The following BCL7C variants were observed in gnomAD, a reference collection of about 807,000 sequenced individuals.
The protein encoded by BCL7C is B-cell CLL/lymphoma 7 protein family member C.
In BCL7C, 8 loss-of-function variants were observed where a neutral mutation model predicts 26.2. That is an observed-to-expected ratio of 0.30 (90% CI 0.18 to 0.55). The LOEUF is 0.55. BCL7C is among the 20% of genes least tolerant of loss of function. The pLI is 0.93. For synonymous variants in BCL7C, 90 were observed against 116.5 expected (o/e 0.77, Z 1.47); for missense variants, 262 against 298.5 (o/e 0.88, Z 0.90).
At chr16:30,861,911 T>G (rs2054777436) in intron 5 of BCL7C, among the ~76,000 whole-genome samples, 1 of 135,716 alleles carries the variant, frequency 7.4e-6, no homozygotes, top group Non-Finnish European at 1.5e-5. Flanking sequence ...TCACCCAGGC[T>G]GGAGTGCAGT....
intron 5 of BCL7C, among the ~76,000 whole-genome samples, chr16:30,869,574 C>T (rs1037248001): frequency 4.7e-5 from 7 of 150,194 alleles, no homozygotes; most frequent in African/African-American, 1.7e-4. Flanking sequence ...TGCAGTGTCA[C>T]GATCAAAGCT....
At chr16:30,874,648 G>A (rs1168657974) in intron 5 of BCL7C, among the ~76,000 whole-genome samples, 2 of 151,964 alleles carry the variant, frequency 1.3e-5, no homozygotes, top group East Asian at 3.9e-4. Context: ...GAGGGCGGGG[G>A]GAAGACTTAA....
intron 5 of BCL7C, among the ~76,000 whole-genome samples, chr16:30,863,000 C>G (rs1277816010): frequency 1.3e-5 from 2 of 152,174 alleles, no homozygotes; most frequent in Non-Finnish European, 2.9e-5. Flanking sequence ...TATACAAGAG[C>G]TGGGACCATG....
intron 5 of BCL7C, among the ~76,000 whole-genome samples, chr16:30,873,806 G>A (rs1431750780): frequency 2.1e-5 from 3 of 143,436 alleles, no homozygotes; most frequent in African/African-American, 2.6e-5. Context: ...AGCCGAGATC[G>A]AGTCCCTGCA....
chr16:30,864,061 G>A (rs573892930), intron 5 of BCL7C, among the ~76,000 whole-genome samples: 12 of 152,132 alleles, frequency 7.9e-5, no homozygotes, highest in South Asian at 6.2e-4. Flanking sequence ...TCTCCTAGCC[G>A]TTTCTAATCC....
intron 5 of BCL7C, among the ~76,000 whole-genome samples, chr16:30,872,471 C>G (rs1169347770): frequency 6.6e-6 from 1 of 152,224 alleles, no homozygotes; most frequent in Non-Finnish European, 1.5e-5. Context: ...CCAGCACGCA[C>G]GTTCACACAC....
rs1445520894 is a variant in BCL7C at position 30,835,060 on chromosome 16, A to G, written c.617T>C (p.Leu206Pro). Residue 206 changes from leucine to proline, a missense_variant, in exon 6 of 6, where the codon CTC becomes CCC. Leu to Pro is a moderately conservative substitution (Grantham distance 98). Transcript: ENST00000380317. ...GGAACTGGGCCGGACATTTGTCCGG[A>G]GGCCCCTCCTGGGCAGGAGCCTCCT... 2.6e-6 allele frequency: 4 copies of G among 1,548,610 alleles called. No individual in the cohort carries two copies. In the East Asian group the frequency reaches 7.3e-5, roughly 28 times the overall value.
At chr16:30,849,955 G>T (rs1390056660) in intron 5 of BCL7C, among the ~76,000 whole-genome samples, 1 of 151,700 alleles carries the variant, frequency 6.6e-6, no homozygotes, top group Non-Finnish European at 1.5e-5. Flanking sequence ...TGGGCGTGGT[G>T]GCTCACACCT....
rs752141705 is a variant in BCL7C at position 30,888,843 on chromosome 16, C to T, written c.528+17G>A. 1 of 1,613,450 alleles carries T rather than the reference C, an allele frequency of 6.2e-7. No individual in the cohort carries two copies. The highest frequency in any genetic ancestry group is 8.5e-7 in the Non-Finnish European group (1 of 1,179,434). On this transcript the variant is annotated intron_variant, in intron 5 of 5. Coordinates refer to ENST00000215115, the MANE Select transcript of BCL7C (RefSeq NM_004765.4). ...TCCCTCCAAGACCCAGGAGTCCAGC[C>T]TTCTGGCCTCTCTCACCTCAGCTTC...
intron 5 of BCL7C, among the ~76,000 whole-genome samples, chr16:30,866,991 C>G (rs1485943961): frequency 6.6e-6 from 1 of 152,118 alleles, no homozygotes; most frequent in Non-Finnish European, 1.5e-5. Context: ...GAGTTTGAGG[C>G]TACAGTGAGC....
At chr16:30,854,360 A>T (rs1007245799) in intron 5 of BCL7C, among the ~76,000 whole-genome samples, 1 of 152,114 alleles carries the variant, frequency 6.6e-6, no homozygotes, top group Non-Finnish European at 1.5e-5. Context: ...GTCATCCATG[A>T]CTTCTTATTG....
intron 5 of BCL7C, among the ~76,000 whole-genome samples, chr16:30,879,689 C>CAAAAAAAAAAAAAAAA (rs1187827463): frequency 0.025 from 723 of 29,348 alleles, 213 homozygotes; most frequent in African/African-American, 0.072. Context: ...CCCTTCTCTA[C>CAAAAAAAAAAAAAAAA]AAAAAAAAAA....
chr16:30,893,864 C>A lies in BCL7C; in HGVS notation c.81G>T (p.Lys27Asn), dbSNP rs1289703862. 1.2e-6 allele frequency: 2 copies of A among 1,602,326 alleles called. No individual in the cohort carries two copies. Among genetic ancestry groups the A allele is most frequent in the South Asian group, 2.2e-5 (2 of 90,984 alleles). The change falls in exon 1 of 6, where the codon AAG becomes AAT. Residue 27 changes from lysine (K) to asparagine (N), a missense_variant. By Grantham distance (94) the Lys-to-Asn change is moderately conservative. Coordinates refer to ENST00000215115, the MANE Select transcript of BCL7C (RefSeq NM_004765.4). The surrounding 1 kb of genome is among the most constrained non-coding windows in gnomAD (Gnocchi z 5.2). ...DIKKVMATIE[K>N]VRRWEKRWVT... ...CGAGCAGCGCTCACCATCTCCGGAC[C>A]TTCTCGATGGTCGCCATCACCTTCT...
At chr16:30,850,636 T>C (rs1244958754) in intron 5 of BCL7C, among the ~76,000 whole-genome samples, 1 of 152,210 alleles carries the variant, frequency 6.6e-6, no homozygotes, top group African/African-American at 2.4e-5. Context: ...TATTTGTGTA[T>C]TTAAACACAC....
chr16:30,839,037 G>T (rs1011372714), intron 5 of BCL7C, among the ~76,000 whole-genome samples: 1 of 152,206 alleles, frequency 6.6e-6, no homozygotes, highest in Non-Finnish European at 1.5e-5. Flanking sequence ...GAGTCCACAG[G>T]ATCTACTGAG....
At chr16:30,873,514 G>A (rs2054899694) in intron 5 of BCL7C, among the ~76,000 whole-genome samples, 1 of 152,046 alleles carries the variant, frequency 6.6e-6, no homozygotes, top group South Asian at 2.1e-4. Context: ...GAGTTGTATG[G>A]TGTGTGAGTC....
At position 30,888,914 on chromosome 16, in the gene BCL7C, G is replaced by A. The variant is rs3751871; in HGVS notation, c.474C>T (p.Asp158=). 16,625 of 1,613,988 alleles carry A rather than the reference G, an allele frequency of 0.01. 445 individuals carry two copies. In the East Asian group the frequency reaches 0.12, roughly 12 times the overall value. The change falls in exon 5 of 6, where the codon GAC becomes GAT. Residue 158 remains aspartate (D), a synonymous_variant. Transcript: ENST00000215115. ...CCTCCTTGGTCAGCATTGGGGGTTC[G>A]TCGGTGCTGCCAGCAGTTATGCCCC... ...DPGGITAGST[D]EPPMLTKEEP...
At chr16:30,842,069 C>T (rs1369416860) in intron 5 of BCL7C, among the ~76,000 whole-genome samples, 1 of 151,992 alleles carries the variant, frequency 6.6e-6, no homozygotes, top group Non-Finnish European at 1.5e-5. Flanking sequence ...CCCGTGTTCA[C>T]CCCCCTTTGT....
chr16:30,886,884 G>A (rs745487078), downstream of BCL7C, among the ~76,000 whole-genome samples: 8 of 152,228 alleles, frequency 5.3e-5, no homozygotes, highest in African/African-American at 1.4e-4. Context: ...TGTATGAAAC[G>A]TGAATAGGCT....
Sources: allele counts gnomAD v4.1 joint callset (sites outside exome capture counted in the v4.1 genomes callset), GRCh38; gene constraint gnomAD v4.1.1; non-coding constraint Gnocchi (gnomAD v3.1); transcripts MANE v1.5; gene names NCBI Gene and HGNC (gene_info 2026-07-23, HGNC 2026-07-21).